The following GMDS variants were observed in gnomAD, a reference collection of about 807,000 sequenced individuals.
GMDS encodes the protein GDP-mannose 4,6-dehydratase.
GMDS carries 20 observed loss-of-function variants against 49.9 expected under a neutral mutation model. The ratio of observed to expected loss-of-function variants is 0.40; its 90% CI spans 0.28 to 0.58. The LOEUF is 0.58. GMDS is among the 20% of genes least tolerant of loss of function. The pLI, the probability that GMDS is intolerant of heterozygous loss-of-function variation, is 0.42. For missense variants in GMDS, 362 were observed against 481.4 expected, an observed-to-expected ratio of 0.75 and a Z score of 2.32; for synonymous variants, 177 against 178.6, an observed-to-expected ratio of 0.99 and a Z score of 0.07.
At chr6:1,973,519 G>C (rs1173499728) in intron 4 of GMDS, among the ~76,000 whole-genome samples, 1 of 152,058 alleles carries the variant, frequency 6.6e-6, no homozygotes, top group East Asian at 1.9e-4. Context: ...ATAATCAAGA[G>C]ATAAATAGAA....
chr6:1,908,645 C>T (rs1760895279), intron 7 of GMDS, among the ~76,000 whole-genome samples: 1 of 152,150 alleles, frequency 6.6e-6, no homozygotes, highest in South Asian at 2.1e-4. Flanking sequence ...CTTATCATTC[C>T]TCTGATCCTC....
chr6:1,900,455 C>T (rs967638429), intron 7 of GMDS, among the ~76,000 whole-genome samples: 3 of 152,162 alleles, frequency 2.0e-5, no homozygotes, highest in Non-Finnish European at 4.4e-5. Context: ...GCCTTTATTA[C>T]GATTAAAAAT....
intron 7 of GMDS, among the ~76,000 whole-genome samples, chr6:1,872,201 G>A (rs542313279): frequency 1.2e-4 from 19 of 152,362 alleles, no homozygotes; most frequent in South Asian, 4.1e-4. Flanking sequence ...AGTGCTGAGC[G>A]TAGCTGGGCC....
chr6:1,993,822 C>T (rs906053567), intron 4 of GMDS, among the ~76,000 whole-genome samples: 2 of 151,914 alleles, frequency 1.3e-5, no homozygotes, highest in Non-Finnish European at 2.9e-5. Flanking sequence ...TCATCAGCCA[C>T]GTATGGAATG....
chr6:1,886,203 T>C (rs1056564671), intron 7 of GMDS, among the ~76,000 whole-genome samples: 1 of 152,168 alleles, frequency 6.6e-6, no homozygotes, highest in African/African-American at 2.4e-5. Context: ...AAGTTCAATC[T>C]CCATTAGAAA....
At chr6:1,719,342 A>C (rs763611346) in intron 9 of GMDS, among the ~76,000 whole-genome samples, 4 of 152,134 alleles carry the variant, frequency 2.6e-5, no homozygotes, top group African/African-American at 9.7e-5. Context: ...AGGGTGAGAA[A>C]GGTGGCGCAG....
intron 4 of GMDS, among the ~76,000 whole-genome samples, chr6:2,046,280 A>G (rs1770009149): frequency 6.6e-6 from 1 of 152,230 alleles, no homozygotes; most frequent in Non-Finnish European, 1.5e-5. Context: ...AAAACTTTAT[A>G]GGATTCAAAA....
chr6:1,649,107 T>C (rs1392239207), intron 9 of GMDS, among the ~76,000 whole-genome samples: 1 of 152,230 alleles, frequency 6.6e-6, no homozygotes, highest in Non-Finnish European at 1.5e-5. Flanking sequence ...ATGCTGCAAA[T>C]CACTTGCCAG....
intron 7 of GMDS, among the ~76,000 whole-genome samples, chr6:1,821,950 G>T (rs541079598): frequency 6.6e-6 from 1 of 152,118 alleles, no homozygotes; most frequent in East Asian, 1.9e-4. Context: ...GTTTGCCAGG[G>T]TTAAAGGCTG....
chr6:2,000,229 G>T (rs1766711417), intron 4 of GMDS, among the ~76,000 whole-genome samples: 1 of 148,266 alleles, frequency 6.7e-6, no homozygotes, highest in Non-Finnish European at 1.5e-5. Flanking sequence ...TAGAGATGGG[G>T]TTTCACCGTG....
At chr6:1,676,889 A>G (rs1015123206) in intron 9 of GMDS, among the ~76,000 whole-genome samples, 1 of 152,252 alleles carries the variant, frequency 6.6e-6, no homozygotes, top group African/African-American at 2.4e-5. Context: ...CTTCATGACT[A>G]AAACACCAAA....
intron 4 of GMDS, among the ~76,000 whole-genome samples, chr6:2,075,083 C>T (rs1772249385): frequency 6.6e-6 from 1 of 152,100 alleles, no homozygotes; most frequent in South Asian, 2.1e-4. Flanking sequence ...TGTGATGCTT[C>T]CAGCTTTATT....
chr6:1,842,324 G>A (rs1757184279), intron 7 of GMDS, among the ~76,000 whole-genome samples: 1 of 152,196 alleles, frequency 6.6e-6, no homozygotes, highest in African/African-American at 2.4e-5. Flanking sequence ...ATGCATCAGG[G>A]AGGCTGCCCA....
chr6:1,701,433 C>T (rs1230428798), intron 9 of GMDS, among the ~76,000 whole-genome samples: 2 of 152,150 alleles, frequency 1.3e-5, no homozygotes, highest in Non-Finnish European at 2.9e-5. Flanking sequence ...ACACTGCCTG[C>T]TTACATGTTT....
intron 7 of GMDS, among the ~76,000 whole-genome samples, chr6:1,928,226 G>A (rs1421555524): frequency 1.5e-4 from 23 of 152,184 alleles, no homozygotes; most frequent in African/African-American, 4.6e-4. Flanking sequence ...TTAGCTGGGC[G>A]TCGTGGTACG....
intron 7 of GMDS, among the ~76,000 whole-genome samples, chr6:1,800,484 T>TG (rs1472905431): frequency 6.6e-6 from 1 of 152,188 alleles, no homozygotes; most frequent in Non-Finnish European, 1.5e-5. Context: ...TCACCCAGGC[T>TG]GGAGGGCAGT....
intron 1 of GMDS, among the ~76,000 whole-genome samples, chr6:2,180,419 C>T (rs928851171): frequency 6.6e-6 from 1 of 152,182 alleles, no homozygotes; most frequent in Non-Finnish European, 1.5e-5. Flanking sequence ...AAATTTTGAT[C>T]TTTTCATCTT....
chr6:1,861,949 GT>G (rs1407933698), intron 7 of GMDS, among the ~76,000 whole-genome samples: 1 of 152,168 alleles, frequency 6.6e-6, no homozygotes, highest in Non-Finnish European at 1.5e-5. Flanking sequence ...CTGAAAGCAG[GT>G]ATTCTTGAAT....
chr6:2,244,424 C>T (rs2127604737), intron 1 of GMDS, among the ~76,000 whole-genome samples: 1 of 152,264 alleles, frequency 6.6e-6, no homozygotes, highest in Middle Eastern at 3.4e-3. Context: ...TTGGCCACCA[C>T]CCAGAGATAC....
Sources: gnomAD v4.1 joint callset for allele counts (sites outside exome capture counted in the v4.1 genomes callset) on GRCh38, gnomAD v4.1.1 for gene constraint, MANE v1.5 for transcripts, NCBI Gene and HGNC (gene_info 2026-07-23, HGNC 2026-07-21) for gene names.